The following GRIK3 variants were observed in gnomAD, a reference collection of about 807,000 sequenced individuals.
GRIK3 encodes glutamate receptor ionotropic, kainate 3.
In GRIK3, 29 loss-of-function variants were observed where a neutral mutation model predicts 102.5. The ratio of observed to expected loss-of-function variants is 0.28; its 90% confidence interval spans 0.21 to 0.39. GRIK3 has a LOEUF of 0.39. GRIK3 is among the 10% of genes least tolerant of loss of function. The pLI is 1.00. For synonymous variants in GRIK3, 511 were observed against 504.9 expected (o/e 1.01, Z -0.16); for missense variants, 908 against 1,252.4 (o/e 0.73, Z 4.15).
At chr1:36,810,135 G>A (rs912983706) in intron 13 of GRIK3, among the ~76,000 whole-genome samples, 4 of 152,116 alleles carry the variant, frequency 2.6e-5, no homozygotes, top group African/African-American at 9.7e-5. Context: ...AAGGTTCCTT[G>A]TGGCTTGTCT....
At chr1:37,002,412 G>A (rs1023792790) in intron 1 of GRIK3, among the ~76,000 whole-genome samples, 2 of 152,126 alleles carry the variant, frequency 1.3e-5, no homozygotes, top group Admixed American at 6.5e-5. Flanking sequence ...GTAAAGGTGC[G>A]ATGGAGAGAA....
At chr1:37,004,229 C>T (rs370184557) in intron 1 of GRIK3, among the ~76,000 whole-genome samples, 1 of 151,224 alleles carries the variant, frequency 6.6e-6, no homozygotes, top group African/African-American at 2.4e-5. Context: ...GGGGCTCGGA[C>T]AAGCCACAGC....
chr1:36,841,291 A>G (rs2124215956), intron 10 of GRIK3, among the ~76,000 whole-genome samples: 1 of 152,304 alleles, frequency 6.6e-6, no homozygotes, highest in East Asian at 1.9e-4. Flanking sequence ...GACTCCCACT[A>G]GACCCAGAGT....
intron 9 of GRIK3, among the ~76,000 whole-genome samples, chr1:36,849,083 C>A (rs1019033057): frequency 6.6e-6 from 1 of 152,186 alleles, no homozygotes; most frequent in Non-Finnish European, 1.5e-5. Context: ...GACTCACAGG[C>A]TAACATTTAT....
chr1:36,838,189 T>C (rs1640403749), intron 10 of GRIK3, among the ~76,000 whole-genome samples: 1 of 152,180 alleles, frequency 6.6e-6, no homozygotes, highest in Admixed American at 6.5e-5. Context: ...TTCCTACCAA[T>C]GCCAGGCAGG....
chr1:36,853,868 G>T, intron 7 of GRIK3, 146 bp from the exon 8 acceptor site: 1 of 631,758 alleles, frequency 1.6e-6, no homozygotes, highest in Non-Finnish European at 2.9e-6. Flanking sequence ...CTCCATCATT[G>T]CTCGGGCTGC....
At chr1:36,930,112 A>C (rs1641571780) in intron 1 of GRIK3, among the ~76,000 whole-genome samples, 1 of 152,258 alleles carries the variant, frequency 6.6e-6, no homozygotes, top group Admixed American at 6.5e-5. Context: ...ACAGCCTGTC[A>C]GTCCCATTAT....
At chr1:37,021,127 TGAGAGAGAGA>T (rs5773568) in intron 1 of GRIK3, among the ~76,000 whole-genome samples, 2,817 of 145,268 alleles carry the variant, frequency 0.019, 74 homozygotes, top group African/African-American at 0.058. Flanking sequence ...TGTGTGTCTG[TGAGAGAGAGA>T]GAGAGAGAGA....
intron 1 of GRIK3, among the ~76,000 whole-genome samples, chr1:36,998,711 T>C (rs1642444459): frequency 6.6e-6 from 1 of 152,138 alleles, no homozygotes; most frequent in Non-Finnish European, 1.5e-5. Flanking sequence ...GAAGCCCCCT[T>C]TACTTCACTC....
chr1:36,841,527 C>T (rs1364596250), intron 10 of GRIK3, among the ~76,000 whole-genome samples: 3 of 152,172 alleles, frequency 2.0e-5, no homozygotes, highest in South Asian at 4.1e-4. Flanking sequence ...AGGAGAATGG[C>T]GTTGGGAGTA....
chr1:36,892,860 G>A (rs1341507507), intron 1 of GRIK3, among the ~76,000 whole-genome samples: 1 of 152,146 alleles, frequency 6.6e-6, no homozygotes, highest in East Asian at 1.9e-4. Context: ...CAGGATAAAA[G>A]CTCCCATAAA....
intron 1 of GRIK3, among the ~76,000 whole-genome samples, chr1:37,006,862 T>C (rs898367800): frequency 2.6e-5 from 4 of 152,214 alleles, no homozygotes; most frequent in African/African-American, 7.2e-5. Flanking sequence ...GGTGAGAAAA[T>C]TGAGGCCTGG....
intron 1 of GRIK3, among the ~76,000 whole-genome samples, chr1:36,960,846 C>T (rs1346634686): frequency 2.0e-5 from 3 of 152,212 alleles, no homozygotes; most frequent in African/African-American, 7.2e-5. Flanking sequence ...AGGGAGTAAG[C>T]ATCTCAAGGT....
chr1:36,842,064 C>T (rs1283079353), intron 9 of GRIK3, 125 bp from the exon 10 acceptor site: 6 of 784,220 alleles, frequency 7.7e-6, no homozygotes, highest in African/African-American at 1.7e-5. Context: ...GTGGCTTAGA[C>T]AAAGGGCCCG....
At chr1:36,973,123 T>A (rs1642161434) in intron 1 of GRIK3, among the ~76,000 whole-genome samples, 2 of 152,160 alleles carry the variant, frequency 1.3e-5, no homozygotes, top group African/African-American at 4.8e-5. Context: ...TTCATGCACC[T>A]AACCCTCCCT....
At chr1:36,899,633 G>A (rs1432389674) in intron 1 of GRIK3, among the ~76,000 whole-genome samples, 1 of 152,160 alleles carries the variant, frequency 6.6e-6, no homozygotes, top group Non-Finnish European at 1.5e-5. Context: ...CATTATGAAT[G>A]TATTTAGTAC....
chr1:36,858,768 G>T (rs780312255), intron 7 of GRIK3, among the ~76,000 whole-genome samples: 3 of 152,196 alleles, frequency 2.0e-5, no homozygotes, highest in Non-Finnish European at 4.4e-5. Flanking sequence ...TGAGGTGACT[G>T]AGGCTCAGCA....
chr1:36,907,877 G>T (rs777661421), intron 1 of GRIK3, among the ~76,000 whole-genome samples: 1 of 152,108 alleles, frequency 6.6e-6, no homozygotes, highest in Non-Finnish European at 1.5e-5. Context: ...CCACTCACAG[G>T]CTACCCCTTT....
chr1:36,999,158 G>A (rs1161399469), intron 1 of GRIK3, among the ~76,000 whole-genome samples: 2 of 152,076 alleles, frequency 1.3e-5, no homozygotes, highest in South Asian at 2.1e-4. Context: ...AGTACATAAA[G>A]TAGAGGGTGG....
Sources: gnomAD v4.1 joint callset for allele counts (sites outside exome capture counted in the v4.1 genomes callset) on GRCh38, gnomAD v4.1.1 for gene constraint, MANE v1.5 for transcripts, NCBI Gene and HGNC (gene_info 2026-07-23, HGNC 2026-07-21) for gene names.